PLD5: variants seen among roughly 807,000 people sequenced by gnomAD.
PLD5 encodes inactive phospholipase D5.
PLD5 carries 36 observed loss-of-function variants against 61.1 expected under a neutral mutation model. The observed-to-expected ratio is 0.59, with a 90% CI of 0.45 to 0.78. The LOEUF (loss-of-function observed/expected upper bound fraction) is 0.78, where lower values mean the gene tolerates loss of function less well. Ranked by LOEUF, PLD5 falls within the 30% of genes least tolerant of loss-of-function variation. PLD5 has a pLI of 0.00. For synonymous variants in PLD5, 243 were observed against 242.8 expected (o/e 1.00, Z -0.01); for missense variants, 515 against 644.4 (o/e 0.80, Z 2.17).
upstream of PLD5, among the ~76,000 whole-genome samples, chr1:242,525,070 G>T (rs1176106078): frequency 1.5e-5 from 2 of 137,638 alleles, no homozygotes; most frequent in African/African-American, 5.6e-5. Context: ...CCCCCGGCTC[G>T]CTTGGGCTGC....
At chr1:242,447,151 T>G (rs1666577660) in intron 1 of PLD5, among the ~76,000 whole-genome samples, 1 of 152,262 alleles carries the variant, frequency 6.6e-6, no homozygotes, top group Admixed American at 6.5e-5. Context: ...TTGAAATAAC[T>G]TAAAAGTCGT....
chr1:242,459,392 C>A (rs988199150), intron 1 of PLD5, among the ~76,000 whole-genome samples: 1 of 152,146 alleles, frequency 6.6e-6, no homozygotes, highest in Non-Finnish European at 1.5e-5. Context: ...TAATCTTAAC[C>A]CCATTCAATG....
At chr1:242,480,974 C>A (rs1357021207) in intron 1 of PLD5, among the ~76,000 whole-genome samples, 1 of 151,852 alleles carries the variant, frequency 6.6e-6, no homozygotes, top group Non-Finnish European at 1.5e-5. Flanking sequence ...AATAAAAATA[C>A]ACTTAGTACT....
intron 5 of PLD5, among the ~76,000 whole-genome samples, chr1:242,127,530 T>G (rs1435606100): frequency 6.7e-6 from 1 of 149,956 alleles, no homozygotes; most frequent in Admixed American, 6.8e-5. Flanking sequence ...GGGGGCCTAT[T>G]ATTCTAAGTG....
At chr1:242,090,456 T>G (rs1272145139) in intron 9 of PLD5, among the ~76,000 whole-genome samples, 1 of 152,250 alleles carries the variant, frequency 6.6e-6, no homozygotes, top group Non-Finnish European at 1.5e-5. Context: ...AAAAATCCTG[T>G]GAGTAATTAC....
intron 1 of PLD5, among the ~76,000 whole-genome samples, chr1:242,388,147 T>A (rs895146839): frequency 1.3e-5 from 2 of 152,192 alleles, no homozygotes; most frequent in African/African-American, 4.8e-5. Flanking sequence ...TTCTCCTTCT[T>A]CAATGAAGTA....
chr1:242,477,309 C>A (rs1399011713), intron 1 of PLD5, among the ~76,000 whole-genome samples: 1 of 152,052 alleles, frequency 6.6e-6, no homozygotes, highest in Admixed American at 6.6e-5. Context: ...GTCCTGGCCA[C>A]TGCATGGTGT....
At chr1:242,309,910 A>T (rs3001694) in intron 2 of PLD5, among the ~76,000 whole-genome samples, 1 of 146,798 alleles carries the variant, frequency 6.8e-6, no homozygotes, top group Admixed American at 7.0e-5. Flanking sequence ...ACCTGGAGAA[A>T]GTCAAAAAGA....
At chr1:242,163,870 TC>T (rs1387233839) in intron 5 of PLD5, among the ~76,000 whole-genome samples, 2 of 152,040 alleles carry the variant, frequency 1.3e-5, no homozygotes, top group African/African-American at 4.8e-5. Context: ...GGAAACAGTA[TC>T]CTTTATTTCT....
chr1:242,207,491 C>T (rs530299323), intron 5 of PLD5, among the ~76,000 whole-genome samples: 2 of 152,160 alleles, frequency 1.3e-5, no homozygotes, highest in East Asian at 1.9e-4. Context: ...GGCTTTACAA[C>T]TGGGATGCTT....
intron 5 of PLD5, among the ~76,000 whole-genome samples, chr1:242,188,980 TAAAC>T (rs564101961): frequency 2.0e-5 from 3 of 152,036 alleles, no homozygotes; most frequent in Non-Finnish European, 2.9e-5. Context: ...TTATATGCTT[TAAAC>T]AAACAAACAA....
chr1:242,332,001 A>T (rs899253291), intron 2 of PLD5, among the ~76,000 whole-genome samples: 1 of 152,116 alleles, frequency 6.6e-6, no homozygotes, highest in Non-Finnish European at 1.5e-5. Context: ...CCCGTCATCT[A>T]CACTAGGTAT....
chr1:242,492,943 C>T (rs1388862474), intron 1 of PLD5, among the ~76,000 whole-genome samples: 3 of 152,160 alleles, frequency 2.0e-5, no homozygotes, highest in Admixed American at 2.0e-4. Context: ...AAAACCATCA[C>T]ATGGGAGGTA....
At chr1:242,522,210 G>A (rs1308552377) in intron 1 of PLD5, among the ~76,000 whole-genome samples, 2 of 152,182 alleles carry the variant, frequency 1.3e-5, no homozygotes, top group African/African-American at 4.8e-5. Context: ...ATCAAATGAG[G>A]AGAATGATTT....
intron 1 of PLD5, among the ~76,000 whole-genome samples, chr1:242,464,547 C>G (rs1667217122): frequency 6.6e-6 from 1 of 152,206 alleles, no homozygotes; most frequent in South Asian, 2.1e-4. Context: ...AACCCTCATT[C>G]TCTCATTCTG....
intron 5 of PLD5, among the ~76,000 whole-genome samples, chr1:242,213,884 C>A (rs184034323): frequency 1.6e-3 from 248 of 151,402 alleles, no homozygotes; most frequent in Middle Eastern, 6.9e-3. Flanking sequence ...GCTCACATAC[C>A]GGGACTAAAA....
At chr1:242,467,251 T>A (rs535180749) in intron 1 of PLD5, among the ~76,000 whole-genome samples, 9 of 152,232 alleles carry the variant, frequency 5.9e-5, no homozygotes, top group Middle Eastern at 3.4e-3. Context: ...ATAAATTATT[T>A]TTACTAAAAG....
At chr1:242,480,051 G>A (rs112968866) in intron 1 of PLD5, among the ~76,000 whole-genome samples, 1,687 of 132,240 alleles carry the variant, frequency 0.013, 33 homozygotes, top group African/African-American at 0.046. Context: ...CTCTGTCTCA[G>A]AAAAAAAAAA....
chr1:242,339,463 T>C (rs1423963292), intron 2 of PLD5, among the ~76,000 whole-genome samples: 1 of 152,226 alleles, frequency 6.6e-6, no homozygotes, highest in South Asian at 2.1e-4. Flanking sequence ...ACTCAGAGAA[T>C]GCAGATGACC....
Sources: allele counts gnomAD v4.1 joint callset (sites outside exome capture counted in the v4.1 genomes callset), GRCh38; gene constraint gnomAD v4.1.1; transcripts MANE v1.5; gene names NCBI Gene and HGNC (gene_info 2026-07-23, HGNC 2026-07-21).